RAVER1: variants seen among roughly 807,000 people sequenced by gnomAD.
RAVER1 encodes ribonucleoprotein PTB-binding 1.
In RAVER1, 36 loss-of-function variants were observed where a neutral mutation model predicts 68.4. That is an observed-to-expected ratio of 0.53 (90% CI 0.40 to 0.70). RAVER1 has a LOEUF of 0.70. Ranked by LOEUF, RAVER1 falls within the 30% of genes least tolerant of loss-of-function variation. The pLI is 0.00. For missense variants in RAVER1, 933 were observed against 1,019.8 expected (o/e 0.91, Z 1.16); for synonymous variants, 469 against 472.7 (o/e 0.99, Z 0.10).
In RAVER1 at chr19:10,322,847, G is replaced by T; in HGVS notation, c.1079-108C>A. On this transcript the variant is annotated intron_variant, in intron 5 of 12. Coordinates refer to ENST00000617231, the MANE Select transcript of RAVER1 (RefSeq NM_133452.3). This position sits in a 1 kb window ranked among gnomAD's most constrained non-coding sequence, Gnocchi z 4.3. ...ATGGGGCAGGAAACTGACACTCTGGGGCCGGGGGGTGGGCAGTGGACTTGC... is the reference window on the plus strand; with the variant it reads ...ATGGGGCAGGAAACTGACACTCTGGTGCCGGGGGGTGGGCAGTGGACTTGC... The T allele has an allele frequency of 1.6e-6, 1 of 643,438 alleles. No homozygotes were observed. Among genetic ancestry groups the T allele is most frequent in the Non-Finnish European group, 2.5e-6 (1 of 396,880 alleles). 39.9% of individuals were successfully genotyped at this position (643,438 alleles called of 1,614,324 possible). A position where few individuals can be genotyped will look rare whatever the true frequency, so the allele number is the denominator to read the frequency against.
At position 10,328,982 on chromosome 19, in the gene RAVER1, A is replaced by G; in HGVS notation, c.416T>C (p.Leu139Pro). 6.3e-7 allele frequency: 1 copy of G among 1,595,542 alleles called. No individual in the cohort carries two copies. The highest frequency in any genetic ancestry group is 8.6e-7 in the Non-Finnish European group (1 of 1,168,392). Residue 139 changes from leucine to proline, a missense_variant, in exon 3 of 13, where the codon CTG becomes CCG. This residue lies in a region of RAVER1 where 211 missense variants were observed against 230.0 expected (regional missense o/e 0.92). Coordinates refer to ENST00000617231, the MANE Select transcript of RAVER1 (RefSeq NM_133452.3). The surrounding 1 kb of genome is among the most constrained non-coding windows in gnomAD (Gnocchi z 4.4). ...CTGCTGCTGTGTGAGGCTGGGGGGCAGGTTGGCCACACACAGCAGGGCATC... is the reference window on the plus strand; with the variant it reads ...CTGCTGCTGTGTGAGGCTGGGGGGCGGGTTGGCCACACACAGCAGGGCATC... ...PTDALLCVAN[L>P]PPSLTQQQFE...
Position 10,323,482 on chromosome 19 carries a change from G to T in RAVER1, c.841C>A (p.Gln281Lys). ...CCCCCCAGGGACAGGCCGTCCGCCT[G>T]CTGCTGTGCCTCCTCCGCCATCTCA... ...TAEMAEEAQQ[Q>K]ADGLSLGGSH... The change falls in exon 4 of 13, where the codon CAG becomes AAG. Residue 281 changes from glutamine to lysine, a missense_variant. By Grantham distance (53) the Gln-to-Lys change is moderately conservative. Around this residue, in one of 3 missense-constraint regions of RAVER1, gnomAD observed 699 missense variants for 731.1 expected, o/e 0.96. Transcript: ENST00000617231. This position sits in a 1 kb window ranked among gnomAD's most constrained non-coding sequence, Gnocchi z 6.2. 6.2e-7 allele frequency: 1 copy of T among 1,609,738 alleles called. No homozygotes were observed.
chr19:10,317,418 G>A lies in RAVER1; in HGVS notation c.*36C>T. 1 of 1,604,980 alleles carries A rather than the reference G, an allele frequency of 6.2e-7. No homozygotes were observed. Among genetic ancestry groups the A allele is most frequent in the African/African-American group, 1.3e-5 (1 of 74,762 alleles). On this transcript the variant is annotated 3_prime_UTR_variant, in exon 13 of 13. Transcript: ENST00000617231. This position sits in a 1 kb window ranked among gnomAD's most constrained non-coding sequence, Gnocchi z 4.3. ...ACATCAGAAAACCCAAAAGCGATTT[G>A]GTGCAGGCCCTTGAGTTATCTCTGG...
At chr19:10,320,497 C>G (rs1011553705) in intron 9 of RAVER1, among the ~76,000 whole-genome samples, 158 bp downstream of exon 9, 1 of 145,450 alleles carries the variant, frequency 6.9e-6, no homozygotes, top group African/African-American at 2.5e-5. Flanking sequence ...GAGGGAGACC[C>G]TGTCTCTAAA....
chr19:10,326,502 C>T lies in RAVER1; in HGVS notation c.756+2140G>A, dbSNP rs184232025. 4.8e-3 allele frequency among the ~76,000 whole-genome samples: 735 copies of T among 152,228 alleles called. 6 individuals are homozygous for T. The highest frequency in any genetic ancestry group is 0.017 in the African/African-American group (707 of 41,556). On this transcript the variant is annotated intron_variant, in intron 3 of 12. Transcript: ENST00000617231. ...CTCTGTCGCCCAGGCTGGAGTGCAG[C>T]GGCACGATCTCCACTAACCGCAACC... is the stretch of plus-strand genomic sequence containing the variant.
intron 3 of RAVER1, among the ~76,000 whole-genome samples, chr19:10,325,205 A>G (rs888292438): frequency 1.3e-5 from 2 of 151,612 alleles, no homozygotes; most frequent in African/African-American, 4.9e-5. Context: ...TCTATTTTTA[A>G]TAGAGACAGG....
In RAVER1 at chr19:10,317,768, G is replaced by C. The variant is rs370172423; in HGVS notation, c.1995C>G (p.Ile665Met). 1 of 1,576,178 alleles carries C rather than the reference G, an allele frequency of 6.3e-7. No individual in the cohort carries two copies. The highest frequency in any genetic ancestry group is 8.6e-7 in the Non-Finnish European group (1 of 1,157,572). The change falls in exon 12 of 13, where the codon ATC becomes ATG. Residue 665 changes from isoleucine to methionine, a missense_variant. By Grantham distance (10) the Ile-to-Met change is conservative (BLOSUM62 1). Coordinates refer to ENST00000617231, the MANE Select transcript of RAVER1 (RefSeq NM_133452.3). The surrounding 1 kb of genome is among the most constrained non-coding windows in gnomAD (Gnocchi z 4.3). ...GLKQSHLSKA[I>M]GSSPLGSGEG... ...CTCCGGACCCCAGCGGGGAAGAGCC[G>C]ATTGCCTGGGAGAAATGGAGAGGTG... is the stretch of plus-strand genomic sequence containing the variant.
At position 10,320,723 on chromosome 19, in the gene RAVER1, G is replaced by T; in HGVS notation, c.1702C>A (p.Pro568Thr). The T allele has an allele frequency of 6.5e-7, 1 of 1,542,812 alleles. No homozygotes were observed. The highest frequency in any genetic ancestry group is 1.2e-5 in the South Asian group (1 of 81,478). ...GGGGGCAGGCGGGCGCTGCTGAGGG[G>T]GCTGAGCAGGCGGGACTTGAGCTGG... ...AFQLKSRLLS[P>T]LSSARLPPEP... is the part of the protein sequence containing the mutation. The change falls in exon 9 of 13, where the codon CCC becomes ACC. Residue 568 changes from proline (P) to threonine (T), a missense_variant. This residue lies in a region of RAVER1 where 699 missense variants were observed against 731.1 expected (regional missense o/e 0.96). Coordinates refer to ENST00000617231, the MANE Select transcript of RAVER1 (RefSeq NM_133452.3).
rs1258425774 is a variant in RAVER1, at chr19:10,328,695, C to T, written c.703G>A (p.Val235Met). 1.9e-6 allele frequency: 3 copies of T among 1,603,808 alleles called. No individual in the cohort carries two copies. Among genetic ancestry groups the T allele is most frequent in the South Asian group, 1.1e-5 (1 of 89,738 alleles). The change falls in exon 3 of 13, where the codon GTG (valine) becomes ATG (methionine). Residue 235 changes from valine to methionine, a missense_variant. Val to Met is a conservative substitution (Grantham distance 21). Transcript: ENST00000617231. This position sits in a 1 kb window ranked among gnomAD's most constrained non-coding sequence, Gnocchi z 4.4. ...GACAGCGCCCGGCACAGAGCGTCCA[C>T]ATCGTTGAAGCCAGGTGGCAGGCGG... is the stretch of plus-strand genomic sequence containing the variant. The part of the protein sequence containing the change: ...VDRLPPGFND[V>M]DALCRALSAV...
At chr19:10,321,673 G>A (rs2040439276) in intron 6 of RAVER1, 55 bp from the exon 7 acceptor site, 1 of 1,331,020 alleles carries the variant, frequency 7.5e-7, no homozygotes, top group Non-Finnish European at 9.8e-7. Context: ...CAGGGAAGCA[G>A]ACAGGTGTGG....
Position 10,321,121 on chromosome 19 carries a change from G to A in RAVER1, c.1400C>T (p.Ala467Val). 1 of 1,316,000 alleles carries A rather than the reference G, an allele frequency of 7.6e-7. No individual in the cohort carries two copies. The highest frequency in any genetic ancestry group is 1.5e-5 in the African/African-American group (1 of 64,906). The allele number at this position is 1,316,000 out of a possible 1,614,324, so 81.5% of individuals were successfully genotyped here. A position where few individuals can be genotyped will look rare whatever the true frequency, so the allele number is the denominator to read the frequency against. ...GCCAGAGCCTCGGAGCCCCACAGGG[G>A]CGGGGGGAGGAGTGAGCTGGGCCGC... ...PPAAQLTPPP[A>V]PVGLRGSGLR... Residue 467 changes from alanine to valine, a missense_variant, in exon 8 of 13, where the codon GCC becomes GTC. Coordinates refer to ENST00000617231, the MANE Select transcript of RAVER1 (RefSeq NM_133452.3).
At chr19:10,321,698 A>G in intron 6 of RAVER1, 80 bp from the exon 7 acceptor site, 1 of 1,183,844 alleles carries the variant, frequency 8.4e-7, no homozygotes, top group Non-Finnish European at 1.1e-6. Context: ...GAGTCTTGGC[A>G]GACACACCCC....
rs994975419 is a variant in RAVER1 at position 10,322,471 on chromosome 19, A to C, written c.1173+174T>G. 1 of 536,226 alleles carries C rather than the reference A, an allele frequency of 1.9e-6. No individual in the cohort carries two copies. Among genetic ancestry groups the C allele is most frequent in the East Asian group, 3.5e-5 (1 of 28,518 alleles). The allele number at this position is 536,226 out of a possible 1,614,324, so 33.2% of individuals were successfully genotyped here. ...GCGAACCATCATGAGCAATTGCCAG[A>C]GGGGGATGGGGATGTGGGTGGGAAA... On this transcript the variant is annotated intron_variant, in intron 6 of 12. Coordinates refer to ENST00000617231, the MANE Select transcript of RAVER1 (RefSeq NM_133452.3). The surrounding 1 kb of genome is among the most constrained non-coding windows in gnomAD (Gnocchi z 4.3).
intron 3 of RAVER1, among the ~76,000 whole-genome samples, chr19:10,326,762 T>G (rs143142022): frequency 0.16 from 23,013 of 147,902 alleles, 1,894 homozygotes; most frequent in South Asian, 0.19. Flanking sequence ...CCTGTTTTTT[T>G]TTTTTTTTTT....
chr19:10,322,728 C>T lies in RAVER1; in HGVS notation c.1090G>A (p.Ala364Thr). ...SAGGKQGLLG[A>T]PPAMPLLNGP... ...TTGAGCAGCGGCATGGCTGGGGGGG[C>T]ACCCAGGAGGCCTGGAGGGAGACAT... The change falls in exon 6 of 13, where the codon GCC (alanine) becomes ACC (threonine). Residue 364 changes from alanine to threonine, a missense_variant. Ala to Thr is a moderately conservative substitution (Grantham distance 58, BLOSUM62 0). This residue lies in a region of RAVER1 where 699 missense variants were observed against 731.1 expected (regional missense o/e 0.96). Transcript: ENST00000617231. This position sits in a 1 kb window ranked among gnomAD's most constrained non-coding sequence, Gnocchi z 4.3. 2 of 1,505,748 alleles carry T rather than the reference C, an allele frequency of 1.3e-6. No individual in the cohort carries two copies. Among genetic ancestry groups the T allele is most frequent in the South Asian group, 1.4e-5 (1 of 73,672 alleles). 93.3% of individuals were successfully genotyped at this position (1,505,748 alleles called of 1,614,324 possible).
intron 9 of RAVER1, 27 bp downstream of exon 9, chr19:10,320,628 G>A: frequency 6.5e-7 from 1 of 1,537,624 alleles, no homozygotes; most frequent in Non-Finnish European, 8.8e-7. Context: ...GGCCTTAGGG[G>A]ACAGAGAGCT....
chr19:10,330,101 G>C lies in RAVER1; in HGVS notation c.286+359C>G, dbSNP rs190399535. Among the ~76,000 whole-genome samples, 597 of 145,878 alleles carry C rather than the reference G, an allele frequency of 4.1e-3. 6 individuals carry two copies. The highest frequency in any genetic ancestry group is 0.015 in the African/African-American group (576 of 39,328). ...TCGCGCCACTGCACTCCAGCCTGGC[G>C]ACAGAGCAAGACTCCATCTCAAAAA... On this transcript the variant is annotated intron_variant, in intron 2 of 12. Transcript: ENST00000617231.
Position 10,333,239 on chromosome 19 carries a change from C to T in RAVER1, c.219+50G>A, listed in dbSNP as rs984824429. On this transcript the variant is annotated intron_variant, in intron 1 of 12. Coordinates refer to ENST00000617231, the MANE Select transcript of RAVER1 (RefSeq NM_133452.3). This position sits in a 1 kb window ranked among gnomAD's most constrained non-coding sequence, Gnocchi z 4.2. ...GGTGTCGCCCGGTTCCCCCCGCGCA[C>T]GCGCACCGTGGTATTTCCCGCCACG... 7.7e-6 allele frequency: 12 copies of T among 1,550,134 alleles called. No individual in the cohort carries two copies. The South Asian group carries it at 8.1e-5, about 10-fold the overall frequency.
chr19:10,323,125 CCT>C lies in RAVER1; in HGVS notation c.1078+18_1078+19del. 1.3e-6 allele frequency: 2 copies of C among 1,554,840 alleles called. No homozygotes were observed. Among genetic ancestry groups the C allele is most frequent in the South Asian group, 1.2e-5 (1 of 84,854 alleles). On this transcript the variant is annotated intron_variant, in intron 5 of 12. Transcript: ENST00000617231. This position sits in a 1 kb window ranked among gnomAD's most constrained non-coding sequence, Gnocchi z 6.2. The stretch of plus-strand genomic sequence containing the variant: ...AGCCCCTGTTCTGCACAGTGGGGCC[CCT>C]GTCCAGCCCCACCTTACCCTGCTTC...
Sources: gnomAD v4.1 joint callset for allele counts (sites outside exome capture counted in the v4.1 genomes callset) on GRCh38, gnomAD v4.1.1 for gene constraint, gnomAD v4.1.1 regional missense constraint, Gnocchi (gnomAD v3.1) non-coding constraint, MANE v1.5 for transcripts, NCBI Gene and HGNC (gene_info 2026-07-23, HGNC 2026-07-21) for gene names.